Variants in SLC25A40 observed in about 807,000 individuals in gnomAD.
SLC25A40 encodes solute carrier family 25 member 40.
Under a neutral mutation model 46.5 loss-of-function variants are expected in SLC25A40, and 41 were observed. That is an observed-to-expected ratio of 0.88 (90% CI 0.69 to 1.14). The LOEUF is 1.14. Among genes scored for constraint, SLC25A40 ranks in the 50% most tolerant of loss-of-function variants. SLC25A40 has a pLI of 0.00. For synonymous variants in SLC25A40, 126 were observed against 127.5 expected, an observed-to-expected ratio of 0.99 and a Z score of 0.08; for missense variants, 386 against 393.6, an observed-to-expected ratio of 0.98 and a Z score of 0.16.
At chr7:87,869,819 A>C (rs995539194) in intron 1 of SLC25A40, among the ~76,000 whole-genome samples, 40 of 152,220 alleles carry the variant, frequency 2.6e-4, no homozygotes, top group African/African-American at 9.7e-4. Flanking sequence ...TAAATACATA[A>C]GTAGAATAGC....
intron 11 of SLC25A40, 27 bp downstream of exon 11, chr7:87,836,703 A>G (rs377684619): frequency 6.7e-5 from 95 of 1,422,916 alleles, no homozygotes; most frequent in Non-Finnish European, 8.6e-5. Flanking sequence ...ATTCTATTCA[A>G]TGATTCGGTA....
At chr7:87,847,179 C>CTG in intron 7 of SLC25A40, 57 bp from the exon 8 acceptor site, 4 of 1,224,986 alleles carry the variant, frequency 3.3e-6, no homozygotes, top group Non-Finnish European at 4.3e-6. Context: ...ACTATGCAAA[C>CTG]ACATATACTG....
At chr7:87,874,216 A>T (rs997255631) in intron 1 of SLC25A40, among the ~76,000 whole-genome samples, 1 of 152,232 alleles carries the variant, frequency 6.6e-6, no homozygotes, top group African/African-American at 2.4e-5. Flanking sequence ...AGTGCAGTCG[A>T]GGGTGAGTCT....
rs757225994 is a variant in SLC25A40 at position 87,847,041 on chromosome 7, T to C, written c.539A>G (p.His180Arg). The stretch of plus-strand genomic sequence containing the variant: ...AGATACTTTCTTGCTGACAAATCGA[T>C]GCAGTTCCACGTAAGAAAACTTCTT... ...QSKKFSYVEL[H>R]RFVSKKVSED... Residue 180 changes from histidine (H) to arginine (R), a missense_variant, in exon 8 of 12, where the codon CAT becomes CGT. Coordinates refer to ENST00000341119, the MANE Select transcript of SLC25A40 (RefSeq NM_018843.4). 4 of 1,613,894 alleles carry C rather than the reference T, an allele frequency of 2.5e-6. No homozygotes were observed. The Admixed American group carries it at 5.0e-5, about 20-fold the overall frequency.
At chr7:87,871,360 A>G (rs1445020201) in intron 1 of SLC25A40, among the ~76,000 whole-genome samples, 2 of 152,156 alleles carry the variant, frequency 1.3e-5, no homozygotes, top group East Asian at 3.9e-4. Flanking sequence ...CTTGCCAACA[A>G]CCCCTAGTGA....
intron 1 of SLC25A40, among the ~76,000 whole-genome samples, chr7:87,874,439 GA>G (rs1219586211): frequency 6.6e-6 from 1 of 151,948 alleles, no homozygotes; most frequent in African/African-American, 2.4e-5. Context: ...AAATTTTTTT[GA>G]AAGAGTACAC....
Position 87,834,921 on chromosome 7 carries a change from C to T in SLC25A40, c.*1328G>A, listed in dbSNP as rs1380100278. On this transcript the variant is annotated 3_prime_UTR_variant, in exon 12 of 12. Transcript: ENST00000341119. ...CACAGAAGATTACATACAAACCCTA[C>T]ATATTTTATTTCTGGTGAAACATAT... The T allele has an allele frequency of 6.6e-6, 1 of 151,482 alleles. No homozygotes were observed. Among genetic ancestry groups the T allele is most frequent in the Non-Finnish European group, 1.5e-5 (1 of 67,646 alleles). 9.4% of individuals were successfully genotyped at this position (151,482 alleles called of 1,614,324 possible). A position where few individuals can be genotyped will look rare whatever the true frequency, so the allele number is the denominator to read the frequency against.
chr7:87,833,582 T>G lies in SLC25A40; in HGVS notation c.*2667A>C, dbSNP rs1285613297. On this transcript the variant is annotated 3_prime_UTR_variant, in exon 12 of 12. Transcript: ENST00000341119. ...CAGATTAAATATAAAAGCAGTAATA[T>G]CTTTTATTTAAAAAGTTCATCTTAG... The G allele has an allele frequency of 6.6e-6, 1 of 151,886 alleles. No homozygotes were observed. The highest frequency in any genetic ancestry group is 1.9e-4 in the East Asian group (1 of 5,194). 9.4% of individuals were successfully genotyped at this position (151,886 alleles called of 1,614,324 possible).
intron 3 of SLC25A40, among the ~76,000 whole-genome samples, chr7:87,858,318 G>T (rs997192324): frequency 1.3e-5 from 2 of 152,128 alleles, no homozygotes; most frequent in African/African-American, 4.8e-5. Context: ...TGTGATTTTT[G>T]TTCTCCTTTT....
At chr7:87,840,024 G>A (rs1156646206) in intron 10 of SLC25A40, among the ~76,000 whole-genome samples, 3 of 151,656 alleles carry the variant, frequency 2.0e-5, no homozygotes, top group Admixed American at 2.0e-4. Context: ...AATTACAAGT[G>A]CAATTTCAAC....
rs3213633 is a variant in SLC25A40 at position 87,847,024 on chromosome 7, T to G, written c.556A>C (p.Lys186Gln). The G allele has an allele frequency of 2.3e-3, 3,789 of 1,613,880 alleles. 95 individuals carry two copies. The East Asian group carries it at 0.059, about 25-fold the overall frequency. The change falls in exon 8 of 12, where the codon AAA becomes CAA. Residue 186 changes from lysine to glutamine, a missense_variant. By Grantham distance (53) the Lys-to-Gln change is moderately conservative. Coordinates refer to ENST00000341119, the MANE Select transcript of SLC25A40 (RefSeq NM_018843.4). ...YVELHRFVSK[K>Q]VSEDGWISLW... ...GAAATCCAACCATCTTCAGATACTT[T>G]CTTGCTGACAAATCGATGCAGTTCC...
chr7:87,876,350 G>A lies in SLC25A40; in HGVS notation c.-348C>T, dbSNP rs1431870597. 5.3e-6 allele frequency: 1 copy of A among 189,168 alleles called. No homozygotes were observed. The highest frequency in any genetic ancestry group is 1.1e-5 in the Non-Finnish European group (1 of 93,504). 11.7% of individuals were successfully genotyped at this position (189,168 alleles called of 1,614,324 possible). On this transcript the variant is annotated 5_prime_UTR_variant, in exon 1 of 12. Coordinates refer to ENST00000341119, the MANE Select transcript of SLC25A40 (RefSeq NM_018843.4). The stretch of plus-strand genomic sequence containing the variant: ...ACAACCTGCAGGGCCAGAGCGAGGC[G>A]CGAGAAGGACGGCGGCGTGAGGGGG...
At chr7:87,866,207 G>A (rs748503345) in intron 1 of SLC25A40, among the ~76,000 whole-genome samples, 3 of 151,956 alleles carry the variant, frequency 2.0e-5, no homozygotes, top group South Asian at 2.1e-4. Context: ...TCCCTTTAGC[G>A]TTTCTTGTAA....
At chr7:87,851,555 C>T (rs1407308048) in intron 5 of SLC25A40, among the ~76,000 whole-genome samples, 1 of 152,182 alleles carries the variant, frequency 6.6e-6, no homozygotes, top group African/African-American at 2.4e-5. Context: ...TCCTTTGTCC[C>T]TCTGCTAGGG....
chr7:87,866,584 G>T (rs138477330), intron 1 of SLC25A40, among the ~76,000 whole-genome samples: 1 of 152,216 alleles, frequency 6.6e-6, no homozygotes, highest in Non-Finnish European at 1.5e-5. Context: ...AGCCATGGGC[G>T]TCCTCTGAGG....
chr7:87,874,166 C>T (rs1010979741), intron 1 of SLC25A40, among the ~76,000 whole-genome samples: 2 of 152,194 alleles, frequency 1.3e-5, no homozygotes, highest in African/African-American at 4.8e-5. Context: ...TTGCATAAAG[C>T]GGACTTCCTG....
chr7:87,839,693 C>T (rs1299372909), intron 10 of SLC25A40, among the ~76,000 whole-genome samples: 1 of 151,716 alleles, frequency 6.6e-6, no homozygotes, highest in Admixed American at 6.6e-5. Context: ...AGATTATGAG[C>T]TCTTTGAGGA....
Position 87,847,978 on chromosome 7 carries a change from C to A in SLC25A40, c.333-1G>T. The stretch of plus-strand genomic sequence containing the variant: ...AACTGTGGCAGGAACTGCCATCACT[C>A]TGTTAGATCACACAAAAAGATTTGT... On this transcript the variant is annotated splice_acceptor_variant, in intron 6 of 11. Coordinates refer to ENST00000341119, the MANE Select transcript of SLC25A40 (RefSeq NM_018843.4). LOFTEE classifies it high-confidence loss of function. 6.3e-7 allele frequency: 1 copy of A among 1,598,488 alleles called. No individual in the cohort carries two copies. The highest frequency in any genetic ancestry group is 1.2e-5 in the South Asian group (1 of 86,458).
At chr7:87,841,153 GTGTGTGTA>G (rs1484543511) in intron 10 of SLC25A40, among the ~76,000 whole-genome samples, 3 of 148,310 alleles carry the variant, frequency 2.0e-5, no homozygotes, top group African/African-American at 5.0e-5. Context: ...GTGTGTGTGT[GTGTGTGTA>G]TATATATATA....
Sources: allele counts gnomAD v4.1 joint callset (sites outside exome capture counted in the v4.1 genomes callset), GRCh38; gene constraint gnomAD v4.1.1; transcripts MANE v1.5; gene names NCBI Gene and HGNC (gene_info 2026-07-23, HGNC 2026-07-21).